The following TTPA variants were observed in gnomAD, a reference collection of about 807,000 sequenced individuals.
TTPA encodes alpha tocopherol transfer protein, also known as alpha-tocopherol transfer protein.
TTPA carries 23 observed loss-of-function variants against 25.9 expected under a neutral mutation model. That is an observed-to-expected ratio of 0.89 (90% CI 0.64 to 1.26). The LOEUF (loss-of-function observed/expected upper bound fraction) is 1.26. TTPA is among the 50% of genes most tolerant of loss of function. The pLI, the probability that TTPA is intolerant of heterozygous loss-of-function variation, is 0.00. For synonymous variants in TTPA, 148 were observed against 137.3 expected (o/e 1.08, Z -0.54); for missense variants, 337 against 353.1 (o/e 0.95, Z 0.37).
intron 1 of TTPA, among the ~76,000 whole-genome samples, chr8:63,083,405 A>G (rs922283028): frequency 3.3e-5 from 5 of 152,214 alleles, no homozygotes; most frequent in Non-Finnish European, 7.3e-5. Flanking sequence ...CAAACACTGC[A>G]TGTTCTCACT....
chr8:63,085,904 C>G lies in TTPA; in HGVS notation c.118G>C (p.Val40Leu), dbSNP rs1298593971. The G allele has an allele frequency of 2.6e-6, 4 of 1,527,782 alleles. No homozygotes were observed. The Admixed American group carries it at 7.9e-5, about 30-fold the overall frequency. The allele number at this position is 1,527,782 out of a possible 1,614,324, so 94.6% of individuals were successfully genotyped here. A position where few individuals can be genotyped will look rare whatever the true frequency, so the allele number is the denominator to read the frequency against. Reference sequence around the variant, plus strand: ...GTGAGCGGCAGCGGCGCGAGCGGGACGCCAGCTTCCCGGGCCCGGCGCCGC... The same window carrying G: ...GTGAGCGGCAGCGGCGCGAGCGGGAGGCCAGCTTCCCGGGCCCGGCGCCGC... ...ALRRRAREAG[V>L]PLAPLPLTDS... The change falls in exon 1 of 5, where the codon GTC becomes CTC. Residue 40 changes from valine (V) to leucine (L), a missense_variant. Transcript: ENST00000260116.
chr8:63,065,478 G>T (rs1387310001), intron 3 of TTPA, among the ~76,000 whole-genome samples: 1 of 151,850 alleles, frequency 6.6e-6, no homozygotes, highest in Non-Finnish European at 1.5e-5. Flanking sequence ...TAGTTTCCCA[G>T]AAATAGAATT....
Position 63,061,487 on chromosome 8 carries a change from ACCT to A in TTPA, c.664-65_664-63del, listed in dbSNP as rs1805305805. 7 of 1,470,780 alleles carry A rather than the reference ACCT, an allele frequency of 4.8e-6. No individual in the cohort carries two copies. The South Asian group carries it at 6.9e-5, about 15-fold the overall frequency. The allele number at this position is 1,470,780 out of a possible 1,614,324, so 91.1% of individuals were successfully genotyped here. A position where few individuals can be genotyped will look rare whatever the true frequency, so the allele number is the denominator to read the frequency against. On this transcript the variant is annotated intron_variant, in intron 4 of 4. Transcript: ENST00000260116. The stretch of plus-strand genomic sequence containing the variant: ...TAGATGCATTTCCAGTGGAAAATCA[ACCT>A]CATAAAACAAGGTATTCTAATAACT...
intron 1 of TTPA, among the ~76,000 whole-genome samples, chr8:63,078,989 T>C (rs1805616585): frequency 6.6e-6 from 1 of 152,166 alleles, no homozygotes; most frequent in East Asian, 1.9e-4. Flanking sequence ...AGCAGATCTC[T>C]CAGTAGAAAC....
intron 2 of TTPA, among the ~76,000 whole-genome samples, chr8:63,068,244 A>G (rs1027208089): frequency 6.6e-6 from 1 of 152,218 alleles, no homozygotes; most frequent in Non-Finnish European, 1.5e-5. Context: ...AGTAACATAA[A>G]AAGAAAAGGC....
At chr8:63,073,834 G>C (rs1050789581) in intron 1 of TTPA, among the ~76,000 whole-genome samples, 2 of 152,106 alleles carry the variant, frequency 1.3e-5, no homozygotes, top group African/African-American at 4.8e-5. Flanking sequence ...AAGAGCCCAG[G>C]AGCAGTATAC....
chr8:63,063,470 C>A (rs1207944723), intron 4 of TTPA, among the ~76,000 whole-genome samples: 1 of 151,346 alleles, frequency 6.6e-6, no homozygotes, highest in Non-Finnish European at 1.5e-5. Flanking sequence ...GTTAAGTAGG[C>A]TTCACTGTTT....
At chr8:63,081,473 A>G (rs948027940) in intron 1 of TTPA, among the ~76,000 whole-genome samples, 4 of 152,176 alleles carry the variant, frequency 2.6e-5, no homozygotes, top group African/African-American at 4.8e-5. Flanking sequence ...AAAAAACTAG[A>G]TATTTATGGA....
chr8:63,084,196 A>C (rs1343215383), intron 1 of TTPA, among the ~76,000 whole-genome samples: 1 of 152,166 alleles, frequency 6.6e-6, no homozygotes, highest in Non-Finnish European at 1.5e-5. Context: ...GAAGGCACTG[A>C]AAACTCTTTG....
At chr8:63,085,435 C>T (rs561742843) in intron 1 of TTPA, among the ~76,000 whole-genome samples, 3 of 152,340 alleles carry the variant, frequency 2.0e-5, no homozygotes, top group Non-Finnish European at 4.4e-5. Context: ...TAAGTCTGAG[C>T]TTCCAACTTG....
At chr8:63,068,172 T>C (rs1161017032) in intron 2 of TTPA, among the ~76,000 whole-genome samples, 2 of 152,128 alleles carry the variant, frequency 1.3e-5, no homozygotes, top group Non-Finnish European at 2.9e-5. Context: ...TGTGCCTACA[T>C]GATGATCCAC....
chr8:63,072,927 TGAC>T lies in TTPA; in HGVS notation c.358+5_358+7del. 6.2e-7 allele frequency: 1 copy of T among 1,613,970 alleles called. No individual in the cohort carries two copies. Among genetic ancestry groups the T allele is most frequent in the East Asian group, 2.2e-5 (1 of 44,852 alleles). ...AGGAGAAAAAAAAAAGAGTTGTGTA[TGAC>T]TTACCGATTCTGTAAATAAGAACTT... On this transcript the variant is annotated splice_donor_5th_base_variant and intron_variant, in intron 2 of 4. Transcript: ENST00000260116.
Position 63,064,375 on chromosome 8 carries a change from T to C in TTPA, c.553-59A>G, listed in dbSNP as rs1012346943. 5.9e-6 allele frequency: 7 copies of C among 1,190,230 alleles called. 1 individual carries two copies. The highest frequency in any genetic ancestry group is 8.5e-6 in the Non-Finnish European group (7 of 819,780). The allele number at this position is 1,190,230 out of a possible 1,614,324, so 73.7% of individuals were successfully genotyped here. A position where few individuals can be genotyped will look rare whatever the true frequency, so the allele number is the denominator to read the frequency against. ...ATAAATATTACAATCTGATACCTAA[T>C]GTCAAGTTTCTTCTTTGAACACTTG... On this transcript the variant is annotated intron_variant, in intron 3 of 4. Transcript: ENST00000260116.
intron 1 of TTPA, among the ~76,000 whole-genome samples, chr8:63,078,306 G>C (rs949259857): frequency 6.6e-6 from 1 of 152,176 alleles, no homozygotes; most frequent in African/African-American, 2.4e-5. Context: ...CTCCTCACCA[G>C]CAATAGAACA....
chr8:63,071,613 A>C (rs1403634758), intron 2 of TTPA, among the ~76,000 whole-genome samples: 1 of 152,164 alleles, frequency 6.6e-6, no homozygotes, highest in African/African-American at 2.4e-5. Context: ...CTCAACAGTC[A>C]TATGCTGAAA....
chr8:63,070,103 G>A (rs1006449181), intron 2 of TTPA, among the ~76,000 whole-genome samples: 1 of 152,192 alleles, frequency 6.6e-6, no homozygotes, highest in African/African-American at 2.4e-5. Flanking sequence ...GTTTCACACA[G>A]CTAGAATGTA....
chr8:63,073,742 G>A (rs950692813), intron 1 of TTPA, among the ~76,000 whole-genome samples: 5 of 152,144 alleles, frequency 3.3e-5, no homozygotes, highest in African/African-American at 1.2e-4. Context: ...GGAGTGACTT[G>A]TTGCTCAGCA....
At chr8:63,065,054 G>A (rs1033831879) in intron 3 of TTPA, among the ~76,000 whole-genome samples, 1 of 152,092 alleles carries the variant, frequency 6.6e-6, no homozygotes, top group African/African-American at 2.4e-5. Context: ...CAAATATCAT[G>A]TTTTATTATT....
At chr8:63,080,544 AC>A (rs1805644289) in intron 1 of TTPA, among the ~76,000 whole-genome samples, 9 of 151,798 alleles carry the variant, frequency 5.9e-5, no homozygotes, top group Admixed American at 5.9e-4. Context: ...ACACGGTGAA[AC>A]CCCGTCTCTA....
Sources: gnomAD v4.1 joint callset for allele counts (sites outside exome capture counted in the v4.1 genomes callset) on GRCh38, gnomAD v4.1.1 for gene constraint, MANE v1.5 for transcripts, NCBI Gene and HGNC (gene_info 2026-07-23, HGNC 2026-07-21) for gene names.